The following SCP2 variants were observed in gnomAD, a reference collection of about 807,000 sequenced individuals.
SCP2 encodes the protein SCP-2/3-oxoacyl-CoA thiolase.
In SCP2, 48 loss-of-function variants were observed where a neutral mutation model predicts 71.4. The ratio of observed to expected loss-of-function variants is 0.67; its 90% CI spans 0.53 to 0.86. SCP2 has a LOEUF of 0.86. SCP2 is among the 40% of genes least tolerant of loss of function. The probability of loss-of-function intolerance (pLI) is 0.00; values close to 1 mark genes in which losing one functional copy is unlikely to be tolerated. For synonymous variants in SCP2, 220 were observed against 218.1 expected (o/e 1.01, Z -0.08); for missense variants, 560 against 655.6 (o/e 0.85, Z 1.59).
intron 11 of SCP2, among the ~76,000 whole-genome samples, chr1:52,991,327 G>C (rs1175022875): frequency 6.6e-6 from 1 of 152,152 alleles, no homozygotes; most frequent in African/African-American, 2.4e-5. Flanking sequence ...ACAAAAGGGA[G>C]CCATGATGGA....
intron 2 of SCP2, chr1:52,943,656 G>A: frequency 2.3e-6 from 1 of 433,182 alleles, no homozygotes; most frequent in East Asian, 6.3e-5. Flanking sequence ...CTTACTTCTT[G>A]CAAAGCACCA....
chr1:52,949,841 T>TTTAAGAATG (rs969688873), intron 3 of SCP2, among the ~76,000 whole-genome samples: 1 of 152,204 alleles, frequency 6.6e-6, no homozygotes, highest in Non-Finnish European at 1.5e-5. Context: ...CTAGCAGATA[T>TTTAAGAATG]TTAAGAATGT....
At chr1:52,956,736 T>C (rs997914445) in intron 5 of SCP2, among the ~76,000 whole-genome samples, 1 of 152,146 alleles carries the variant, frequency 6.6e-6, no homozygotes, top group Non-Finnish European at 1.5e-5. Flanking sequence ...TAAGTGAATA[T>C]ATAATGTTTA....
At chr1:52,995,985 G>A (rs1016130644) in intron 11 of SCP2, 3 of 1,405,796 alleles carry the variant, frequency 2.1e-6, no homozygotes, top group African/African-American at 2.9e-5. Flanking sequence ...CACCACAGAA[G>A]AGGAGGAGGA....
chr1:53,011,022 G>A (rs1344322133), intron 11 of SCP2, among the ~76,000 whole-genome samples: 2 of 152,110 alleles, frequency 1.3e-5, no homozygotes, highest in East Asian at 3.9e-4. Flanking sequence ...ATGGACGTGC[G>A]TGACAAATTT....
intron 6 of SCP2, among the ~76,000 whole-genome samples, chr1:52,969,796 G>A (rs1055192960): frequency 2.7e-5 from 4 of 150,846 alleles, no homozygotes; most frequent in Admixed American, 1.3e-4. Context: ...ACTCCAGCCC[G>A]GGCGGCAGAG....
At chr1:52,993,549 C>T (rs545462720) in intron 11 of SCP2, 8 of 1,612,098 alleles carry the variant, frequency 5.0e-6, no homozygotes, top group Non-Finnish European at 6.8e-6. Context: ...AACAGGAAGC[C>T]CTCGCCAGTC....
intron 11 of SCP2, chr1:52,994,697 G>A (rs7544053): frequency 0.069 from 46,827 of 679,080 alleles, 3,616 homozygotes; most frequent in East Asian, 0.26. Context: ...ACCTTGAGGC[G>A]AGCAAAAAAA....
rs1265961726 is a variant in SCP2, at chr1:52,927,526, T to A, written c.69+61T>A. ...CTCGGGGGCGGTCGGTGCCTGGGTT[T>A]CTCTGTCCCTCCGGTCTCCTAGCTT... On this transcript the variant is annotated intron_variant, in intron 1 of 15. Transcript: ENST00000371514. The A allele has an allele frequency of 1.0e-4, 129 of 1,272,376 alleles. No individual in the cohort carries two copies. In the East Asian group the frequency reaches 3.1e-3, roughly 31 times the overall value. The allele number at this position is 1,272,376 out of a possible 1,614,324, so 78.8% of individuals were successfully genotyped here. A position where few individuals can be genotyped will look rare whatever the true frequency, so the allele number is the denominator to read the frequency against.
intron 1 of SCP2, among the ~76,000 whole-genome samples, chr1:52,931,134 G>A (rs1000343631): frequency 6.6e-6 from 1 of 152,166 alleles, no homozygotes; most frequent in African/African-American, 2.4e-5. Context: ...ATCCACAAGG[G>A]CAAAGTGAGT....
chr1:52,993,597 G>C, intron 11 of SCP2: 1 of 1,606,888 alleles, frequency 6.2e-7, no homozygotes, highest in Non-Finnish European at 8.5e-7. Flanking sequence ...AGCTCTTCTT[G>C]TCCTGCTGTA....
rs546449517 is a variant in SCP2, at chr1:52,957,100, G to T, written c.396+2296G>T. On this transcript the variant is annotated intron_variant, in intron 5 of 15. Coordinates refer to ENST00000371514, the MANE Select transcript of SCP2 (RefSeq NM_002979.5). Reference sequence around the variant, plus strand: ...AATTTTTGTATTTTTAGCAGAGATGGGGTTTCACCATATTGGCCAGGCTGG... The same window carrying T: ...AATTTTTGTATTTTTAGCAGAGATGTGGTTTCACCATATTGGCCAGGCTGG... 3.9e-5 allele frequency among the ~76,000 whole-genome samples: 6 copies of T among 152,106 alleles called. No homozygotes were observed. In the South Asian group the frequency reaches 1.2e-3, roughly 32 times the overall value.
At chr1:52,992,390 A>G (rs533425854) in intron 11 of SCP2, among the ~76,000 whole-genome samples, 291 of 152,392 alleles carry the variant, frequency 1.9e-3, no homozygotes, top group Non-Finnish European at 3.4e-3. Flanking sequence ...TCCATATTTT[A>G]TATTACAAAC....
intron 12 of SCP2, among the ~76,000 whole-genome samples, chr1:53,019,868 T>C (rs934848862): frequency 8.5e-5 from 13 of 152,206 alleles, no homozygotes; most frequent in Non-Finnish European, 1.3e-4. Flanking sequence ...TTAAATTTTA[T>C]AGACTAGAGT....
At chr1:52,993,767 T>C in intron 11 of SCP2, 1 of 1,588,378 alleles carries the variant, frequency 6.3e-7, no homozygotes, top group Non-Finnish European at 8.6e-7. Flanking sequence ...TCCTCAATAA[T>C]ATTCCCCTCT....
intron 11 of SCP2, among the ~76,000 whole-genome samples, chr1:53,006,728 G>A (rs780638379): frequency 1.0e-4 from 15 of 145,474 alleles, no homozygotes; most frequent in Non-Finnish European, 1.8e-4. Context: ...CAACTAATGA[G>A]CAAAATAACC....
chr1:52,933,393 A>G lies in SCP2; in HGVS notation c.69+5928A>G, dbSNP rs934056934. On this transcript the variant is annotated intron_variant, in intron 1 of 15. Coordinates refer to ENST00000371514, the MANE Select transcript of SCP2 (RefSeq NM_002979.5). ...CCAGGAGTTTGAAACCAGCCTGGGC[A>G]ACATGGCAAAACCTCATCTCTACTA... Among the ~76,000 whole-genome samples the G allele has an allele frequency of 2.6e-5, 4 of 152,204 alleles. No individual in the cohort carries two copies. In the East Asian group the frequency reaches 7.7e-4, roughly 29 times the overall value.
chr1:53,009,846 C>T (rs548692354), intron 11 of SCP2, among the ~76,000 whole-genome samples: 2 of 152,308 alleles, frequency 1.3e-5, no homozygotes, highest in African/African-American at 4.8e-5. Context: ...AGGCAACCTA[C>T]AGAATGGGAG....
chr1:53,047,071 C>T (rs1230356982), intron 14 of SCP2, among the ~76,000 whole-genome samples: 1 of 152,202 alleles, frequency 6.6e-6, no homozygotes, highest in African/African-American at 2.4e-5. Flanking sequence ...CAAGTTCATT[C>T]AGGTTGCTGG....
Sources: gnomAD v4.1 joint callset for allele counts (sites outside exome capture counted in the v4.1 genomes callset) on GRCh38, gnomAD v4.1.1 for gene constraint, MANE v1.5 for transcripts, NCBI Gene and HGNC (gene_info 2026-07-23, HGNC 2026-07-21) for gene names.